The following CHD1L variants were observed in gnomAD, a reference collection of about 807,000 sequenced individuals.
The protein encoded by CHD1L is ATP-dependent chromatin remodeler CHD1L.
CHD1L carries 118 observed loss-of-function variants against 115.9 expected under a neutral mutation model. The ratio of observed to expected loss-of-function variants is 1.02; its 90% CI spans 0.88 to 1.19. The LOEUF (loss-of-function observed/expected upper bound fraction) is 1.19. Ranked by LOEUF, CHD1L falls within the 50% of genes most tolerant of loss-of-function variation. CHD1L has a pLI of 0.00. For synonymous variants in CHD1L, 411 were observed against 387.1 expected (o/e 1.06, Z -0.72); for missense variants, 1,179 against 1,065.3 (o/e 1.11, Z -1.49).
intron 19 of CHD1L, among the ~76,000 whole-genome samples, chr1:147,289,577 G>A (rs1160175541): frequency 1.3e-5 from 2 of 152,122 alleles, no homozygotes; most frequent in African/African-American, 4.8e-5. Context: ...CTCTGAAGGA[G>A]GATTGAAGCA....
intron 7 of CHD1L, among the ~76,000 whole-genome samples, chr1:147,265,725 C>T (rs1013956529): frequency 6.6e-6 from 1 of 152,094 alleles, no homozygotes; most frequent in African/African-American, 2.4e-5. Flanking sequence ...GAGTGTTCCT[C>T]GTTCTTGGGC....
chr1:147,226,643 G>A, the CHD1L span, among the ~76,000 whole-genome samples: 1 of 152,144 alleles, frequency 6.6e-6, no homozygotes, highest in Non-Finnish European at 1.5e-5. Flanking sequence ...GGCATGGATT[G>A]TGGCTCATGC....
At chr1:147,233,248 A>G in the CHD1L span, among the ~76,000 whole-genome samples, 7 of 150,504 alleles carry the variant, frequency 4.7e-5, no homozygotes, top group Non-Finnish European at 8.9e-5. Context: ...AGAAGTGAGG[A>G]GCCCCTCCGC....
chr1:147,242,631 G>A (rs1890041), upstream of CHD1L: 2 of 1,236,684 alleles, frequency 1.6e-6, no homozygotes, highest in Non-Finnish European at 2.0e-6. Context: ...GCGCAGTCGC[G>A]CGCCCCCGCG....
the CHD1L span, chr1:147,225,289 C>A: frequency 2.4e-6 from 2 of 834,676 alleles, no homozygotes; most frequent in Middle Eastern, 4.1e-4. Flanking sequence ...GATCTCACCG[C>A]CTTTCCTGAA....
chr1:147,265,840 G>T (rs1306722525), intron 7 of CHD1L, 92 bp from the exon 8 acceptor site: 37 of 1,214,966 alleles, frequency 3.0e-5, no homozygotes, highest in East Asian at 2.6e-5. Flanking sequence ...CGTGAAATAA[G>T]AAACAAAAAT....
intron 15 of CHD1L, among the ~76,000 whole-genome samples, chr1:147,280,495 CTTT>C (rs1169826807): frequency 6.6e-6 from 1 of 152,178 alleles, no homozygotes; most frequent in Admixed American, 6.5e-5. Context: ...ACATCTTCTT[CTTT>C]ATTAGTAAAG....
rs1374064870 is a variant in CHD1L, at chr1:147,242,696, C to A, written c.-8C>A. 4.8e-6 allele frequency: 6 copies of A among 1,262,810 alleles called. No individual in the cohort carries two copies. In the South Asian group the frequency reaches 1.9e-4, roughly 40 times the overall value. The allele number at this position is 1,262,810 out of a possible 1,614,324, so 78.2% of individuals were successfully genotyped here. ...TTGGCCGCGCGGGGCGGGGCCTCTACCGGCCCGATGGAGCGCGCGGGCGCT... is the reference window on the plus strand; with the variant it reads ...TTGGCCGCGCGGGGCGGGGCCTCTAACGGCCCGATGGAGCGCGCGGGCGCT... On this transcript the variant is annotated 5_prime_UTR_variant, in exon 1 of 23. Coordinates refer to ENST00000369258, the MANE Select transcript of CHD1L (RefSeq NM_004284.6).
At chr1:147,267,041 C>T (rs1674217196) in intron 8 of CHD1L, among the ~76,000 whole-genome samples, 1 of 152,060 alleles carries the variant, frequency 6.6e-6, no homozygotes, top group African/African-American at 2.4e-5. Context: ...TAAGAGAGTG[C>T]AAAACTTTTT....
At chr1:147,207,079 A>G in the CHD1L span, among the ~76,000 whole-genome samples, 1 of 152,020 alleles carries the variant, frequency 6.6e-6, no homozygotes, top group Non-Finnish European at 1.5e-5. Flanking sequence ...GGATATTGCC[A>G]ATGTATTAAT....
the CHD1L span, among the ~76,000 whole-genome samples, chr1:147,195,017 T>C: frequency 2.0e-5 from 3 of 151,866 alleles, no homozygotes; most frequent in South Asian, 2.1e-4. Context: ...AGTATCTTTG[T>C]GGCGTTCTCT....
chr1:147,179,951 T>TA, the CHD1L span, among the ~76,000 whole-genome samples: 3,520 of 143,564 alleles, frequency 0.025, 50 homozygotes, highest in Middle Eastern at 0.046. Flanking sequence ...CTTTAAACTG[T>TA]AAAAAAAAAA....
At chr1:147,268,305 G>T (rs1674764496) in intron 9 of CHD1L, among the ~76,000 whole-genome samples, 1 of 152,134 alleles carries the variant, frequency 6.6e-6, no homozygotes, top group African/African-American at 2.4e-5. Flanking sequence ...TGGCCATGGA[G>T]ACTCTAGATA....
intron 12 of CHD1L, 38 bp from the exon 13 acceptor site, chr1:147,275,316 T>C: frequency 6.8e-7 from 1 of 1,474,182 alleles, no homozygotes; most frequent in South Asian, 1.1e-5. Flanking sequence ...TCCTCGTCTT[T>C]GTGCTGCTGA....
chr1:147,284,659 A>G (rs1682356574), intron 16 of CHD1L, among the ~76,000 whole-genome samples, 160 bp downstream of exon 16: 2 of 152,208 alleles, frequency 1.3e-5, no homozygotes, highest in African/African-American at 4.8e-5. Context: ...ACCCTAGTAT[A>G]AAAACTATGT....
chr1:147,208,335 A>G, the CHD1L span: 2 of 152,436 alleles, frequency 1.3e-5, no homozygotes, highest in Non-Finnish European at 2.9e-5. Flanking sequence ...GCCAAAGAGA[A>G]TTCTAGATTA....
chr1:147,249,130 C>G (rs1667553811), intron 1 of CHD1L, among the ~76,000 whole-genome samples: 1 of 152,062 alleles, frequency 6.6e-6, no homozygotes, highest in Admixed American at 6.6e-5. Flanking sequence ...GATAAATTCT[C>G]TTTGTTTTCC....
chr1:147,277,812 A>G (rs1300549467), intron 14 of CHD1L, among the ~76,000 whole-genome samples: 1 of 152,202 alleles, frequency 6.6e-6, no homozygotes, highest in Non-Finnish European at 1.5e-5. Context: ...ACTGCTGGGC[A>G]TAGTGAAGGG....
the CHD1L span, chr1:147,201,618 G>T: frequency 1.4e-6 from 1 of 726,452 alleles, no homozygotes; most frequent in Non-Finnish European, 2.3e-6. Context: ...CTTCCCCTTG[G>T]TCTATGCATG....
Sources: allele counts gnomAD v4.1 joint callset (sites outside exome capture counted in the v4.1 genomes callset), GRCh38; gene constraint gnomAD v4.1.1; transcripts MANE v1.5; gene names NCBI Gene and HGNC (gene_info 2026-07-23, HGNC 2026-07-21).